The following F13A1 variants were observed in gnomAD, a reference collection of about 807,000 sequenced individuals.
F13A1 encodes FSF, A subunit.
Under a neutral mutation model 80.1 loss-of-function variants are expected in F13A1, and 47 were observed. The observed-to-expected ratio is 0.59, with a 90% CI of 0.46 to 0.75. The LOEUF is 0.75. Among genes scored for constraint, F13A1 ranks in the 30% least tolerant of loss-of-function variants. The pLI is 0.00. For synonymous variants in F13A1, 349 were observed against 344.9 expected (o/e 1.01, Z -0.13); for missense variants, 817 against 930.4 (o/e 0.88, Z 1.59).
At chr6:6,262,709 CAA>C (rs750161407) in intron 4 of F13A1, among the ~76,000 whole-genome samples, 20 of 103,508 alleles carry the variant, frequency 1.9e-4, no homozygotes, top group Non-Finnish European at 2.1e-4. Flanking sequence ...ACTTCACTGA[CAA>C]AAAAAAAAAA....
chr6:6,308,988 C>T (rs1758553821), intron 2 of F13A1, among the ~76,000 whole-genome samples: 1 of 152,068 alleles, frequency 6.6e-6, no homozygotes, highest in Admixed American at 6.6e-5. Context: ...TTTATTTGTG[C>T]AATTGTTTTC....
At position 6,185,997 on chromosome 6, in the gene F13A1, T is replaced by G. The variant is rs867513338; in HGVS notation, c.1306-3856A>C. Among the ~76,000 whole-genome samples the G allele has an allele frequency of 6.6e-3, 942 of 143,708 alleles. 13 individuals are homozygous for G. The highest frequency in any genetic ancestry group is 0.022 in the African/African-American group (864 of 39,806). The allele number at this position is 143,708 out of a possible 152,430, so 94.3% of individuals were successfully genotyped here. A position where few individuals can be genotyped will look rare whatever the true frequency, so the allele number is the denominator to read the frequency against. The stretch of plus-strand genomic sequence containing the variant: ...GTGATGGTGAGCATTTTTTCATGTG[T>G]TTTTTGGCTGCATAAATGTCTTCTT... On this transcript the variant is annotated intron_variant, in intron 10 of 14. Coordinates refer to ENST00000264870, the MANE Select transcript of F13A1 (RefSeq NM_000129.4).
At chr6:6,281,280 G>T (rs1338229302) in intron 3 of F13A1, among the ~76,000 whole-genome samples, 5 of 152,262 alleles carry the variant, frequency 3.3e-5, no homozygotes, top group African/African-American at 1.2e-4. Flanking sequence ...AAAATTGGGA[G>T]AGGGCATGCT....
chr6:6,166,923 A>G (rs1372102783), intron 13 of F13A1, among the ~76,000 whole-genome samples: 1 of 152,222 alleles, frequency 6.6e-6, no homozygotes, highest in African/African-American at 2.4e-5. Flanking sequence ...GGAACCTTCT[A>G]GGGGTGTTGG....
chr6:6,285,053 GGCCAA>G (rs1758116783), intron 3 of F13A1, among the ~76,000 whole-genome samples: 1 of 152,156 alleles, frequency 6.6e-6, no homozygotes, highest in African/African-American at 2.4e-5. Context: ...AAACCAGCCT[GGCCAA>G]CATGGTGAAA....
At position 6,174,869 on chromosome 6, in the gene F13A1, TG is replaced by T. The variant is rs1561643635; in HGVS notation, c.1460-3del. The T allele has an allele frequency of 6.2e-7, 1 of 1,614,168 alleles. No homozygotes were observed. The highest frequency in any genetic ancestry group is 8.5e-7 in the Non-Finnish European group (1 of 1,180,020). Reference sequence around the variant, plus strand: ...GGGCCAATCTCTCTTCTTCTTGACCTGGGGGAGATCCAGAGATAATGACAGG... The same window carrying T: ...GGGCCAATCTCTCTTCTTCTTGACCTGGGGAGATCCAGAGATAATGACAGG... On this transcript the variant is annotated splice_region_variant and splice_polypyrimidine_tract_variant and intron_variant, in intron 11 of 14. Transcript: ENST00000264870.
chr6:6,289,185 G>A (rs1460075241), intron 3 of F13A1, among the ~76,000 whole-genome samples: 1 of 152,098 alleles, frequency 6.6e-6, no homozygotes, highest in Admixed American at 6.6e-5. Context: ...AATGTGATGG[G>A]GGGTGGGGTA....
At chr6:6,185,003 T>C (rs1028915325) in intron 10 of F13A1, among the ~76,000 whole-genome samples, 2 of 152,132 alleles carry the variant, frequency 1.3e-5, no homozygotes, top group African/African-American at 4.8e-5. Flanking sequence ...TAAAAAAGCA[T>C]GGAATGATTG....
At chr6:6,189,865 G>C (rs61826908) in intron 10 of F13A1, among the ~76,000 whole-genome samples, 23,386 of 151,526 alleles carry the variant, frequency 0.15, 1,963 homozygotes, top group Middle Eastern at 0.23. Flanking sequence ...GTACACCAGT[G>C]AGACGTAGAT....
chr6:6,190,104 T>C (rs1761158909), intron 10 of F13A1, among the ~76,000 whole-genome samples: 1 of 152,080 alleles, frequency 6.6e-6, no homozygotes, highest in Non-Finnish European at 1.5e-5. Context: ...TCTGTATTGG[T>C]TATTCTAGTT....
At chr6:6,160,098 G>A (rs547739312) in intron 13 of F13A1, among the ~76,000 whole-genome samples, 2 of 151,852 alleles carry the variant, frequency 1.3e-5, no homozygotes, top group South Asian at 4.2e-4. Context: ...CCAACGTGGT[G>A]AAACCCTGTC....
At chr6:6,303,531 C>A (rs1470439439) in intron 3 of F13A1, among the ~76,000 whole-genome samples, 12 of 152,016 alleles carry the variant, frequency 7.9e-5, no homozygotes, top group Admixed American at 7.2e-4. Context: ...CTTCACATAC[C>A]ATTTCTTTGT....
At chr6:6,240,314 C>T (rs1451013157) in intron 6 of F13A1, among the ~76,000 whole-genome samples, 1 of 152,144 alleles carries the variant, frequency 6.6e-6, no homozygotes, top group Non-Finnish European at 1.5e-5. Flanking sequence ...CTTCATTACA[C>T]TGCTGGCTTT....
chr6:6,161,547 TGTGTGA>T (rs1455072728), intron 13 of F13A1, among the ~76,000 whole-genome samples: 19 of 150,486 alleles, frequency 1.3e-4, no homozygotes, highest in South Asian at 2.1e-4. Flanking sequence ...TGTGTGTGTG[TGTGTGA>T]GAGAGAGAGA....
chr6:6,169,827 A>C (rs1247192626), intron 12 of F13A1, among the ~76,000 whole-genome samples: 1 of 152,186 alleles, frequency 6.6e-6, no homozygotes, highest in Non-Finnish European at 1.5e-5. Context: ...GGATTATTAG[A>C]ATGTATTGGC....
At chr6:6,260,475 T>C (rs150612218) in intron 4 of F13A1, among the ~76,000 whole-genome samples, 1 of 152,298 alleles carries the variant, frequency 6.6e-6, no homozygotes, top group East Asian at 1.9e-4. Context: ...CACCCCTCTC[T>C]TTTGACCTAC....
chr6:6,314,740 C>T (rs1031762171), intron 2 of F13A1, among the ~76,000 whole-genome samples: 5 of 152,234 alleles, frequency 3.3e-5, no homozygotes, highest in Non-Finnish European at 7.3e-5. Context: ...ACTTACTCAA[C>T]TTCATGTCCC....
rs148320650 is a variant in F13A1, at chr6:6,226,651, T to C, written c.799-1791A>G. Among the ~76,000 whole-genome samples, 1,100 of 152,284 alleles carry C rather than the reference T, an allele frequency of 7.2e-3. 7 individuals carry two copies. Among genetic ancestry groups the C allele is most frequent in the Middle Eastern group, 0.037 (11 of 294 alleles). ...TCTTCCCCGCTGGTTTATCAATTCATTGGGAACAAAGAAAAAAAATCTCCG... is the reference window on the plus strand; with the variant it reads ...TCTTCCCCGCTGGTTTATCAATTCACTGGGAACAAAGAAAAAAAATCTCCG... On this transcript the variant is annotated intron_variant, in intron 6 of 14. Transcript: ENST00000264870.
chr6:6,298,763 T>G (rs1322601712), intron 3 of F13A1, among the ~76,000 whole-genome samples: 2 of 149,774 alleles, frequency 1.3e-5, no homozygotes, highest in Non-Finnish European at 2.9e-5. Context: ...AAGTTAATAT[T>G]GTTATGTGTG....
Sources: allele counts gnomAD v4.1 joint callset (sites outside exome capture counted in the v4.1 genomes callset), GRCh38; gene constraint gnomAD v4.1.1; transcripts MANE v1.5; gene names NCBI Gene and HGNC (gene_info 2026-07-23, HGNC 2026-07-21).